The following ELAVL4 variants were observed in gnomAD, a reference collection of about 807,000 sequenced individuals.
The protein encoded by ELAVL4 is ELAV-like protein 4.
Under a neutral mutation model 35.6 loss-of-function variants are expected in ELAVL4, and 1 was observed. The observed-to-expected ratio is 0.03, with a 90% confidence interval of 0.01 to 0.13. The LOEUF (loss-of-function observed/expected upper bound fraction) is 0.13, where lower values mean the gene tolerates loss of function less well. ELAVL4 is among the 10% of genes least tolerant of loss of function. ELAVL4 has a pLI of 1.00. For synonymous variants in ELAVL4, 156 were observed against 171.0 expected, an observed-to-expected ratio of 0.91 and a Z score of 0.69; for missense variants, 267 against 464.9, an observed-to-expected ratio of 0.57 and a Z score of 3.91.
chr1:50,125,469 C>A (rs571635919), intron 1 of ELAVL4, among the ~76,000 whole-genome samples: 1 of 152,048 alleles, frequency 6.6e-6, no homozygotes, highest in Middle Eastern at 3.4e-3. Context: ...ATATGTCCAA[C>A]TACTAACTCT....
chr1:50,058,700 A>G (rs1663806240), intron 1 of ELAVL4, among the ~76,000 whole-genome samples: 1 of 150,218 alleles, frequency 6.7e-6, no homozygotes, highest in Non-Finnish European at 1.5e-5. Flanking sequence ...TGCAGCCTCC[A>G]CCCCCCAGGC....
upstream of ELAVL4, chr1:50,106,125 T>C (rs750448743): frequency 5.8e-5 from 26 of 450,072 alleles, no homozygotes; most frequent in Admixed American, 1.1e-4. Flanking sequence ...GGTTGTCTTT[T>C]TTTATTTGCA....
At chr1:50,127,548 T>G (rs1222448443) in intron 1 of ELAVL4, among the ~76,000 whole-genome samples, 1 of 152,156 alleles carries the variant, frequency 6.6e-6, no homozygotes, top group Admixed American at 6.5e-5. Context: ...TCACTGCATC[T>G]GGAACTTTGT....
intron 3 of ELAVL4, among the ~76,000 whole-genome samples, chr1:50,185,228 C>T (rs1266026288): frequency 6.6e-6 from 1 of 152,228 alleles, no homozygotes. Context: ...CCTCTTCCTT[C>T]TCCCCTTTTG....
chr1:50,104,402 C>G (rs540425584), upstream of ELAVL4, among the ~76,000 whole-genome samples: 38 of 152,238 alleles, frequency 2.5e-4, no homozygotes, highest in South Asian at 6.2e-4. Context: ...TTTCATACAA[C>G]CAGAATTTGA....
chr1:50,121,350 C>T (rs959947213), intron 1 of ELAVL4, among the ~76,000 whole-genome samples: 2 of 151,954 alleles, frequency 1.3e-5, no homozygotes, highest in African/African-American at 2.4e-5. Context: ...TAGTAAGTTA[C>T]TAGATTCTAG....
At chr1:50,125,633 C>T (rs1388266643) in intron 1 of ELAVL4, among the ~76,000 whole-genome samples, 1 of 151,986 alleles carries the variant, frequency 6.6e-6, no homozygotes, top group African/African-American at 2.4e-5. Context: ...AGGTCCTATT[C>T]TGTGAAATGG....
chr1:50,146,225 G>A (rs1275777302), intron 2 of ELAVL4, among the ~76,000 whole-genome samples: 1 of 151,580 alleles, frequency 6.6e-6, no homozygotes, highest in Non-Finnish European at 1.5e-5. Flanking sequence ...TTAAATCAGA[G>A]AATACATTCT....
At chr1:50,105,643 T>C (rs1004162834), upstream of ELAVL4, 2 of 152,246 alleles carry the variant, frequency 1.3e-5, no homozygotes, top group African/African-American at 2.4e-5. Flanking sequence ...AGTGAACTGT[T>C]ACTTTAAAGA....
At chr1:50,150,292 C>T (rs1162011866) in intron 2 of ELAVL4, among the ~76,000 whole-genome samples, 6 of 152,144 alleles carry the variant, frequency 3.9e-5, no homozygotes, top group Admixed American at 2.6e-4. Context: ...CTTTATAATA[C>T]GTCTCTTTGG....
rs953539192 is a variant in ELAVL4 at position 50,087,563 on chromosome 1, C to T, written c.18+39381C>T. ...AAAATGTAACCACCTCAAGTAGACA[C>T]TGAATTTTCTACACGAAATTTGCTG... On this transcript the variant is annotated intron_variant, in intron 1 of 6. Coordinates refer to the ELAVL4 transcript ENST00000448907. Among the ~76,000 whole-genome samples the T allele has an allele frequency of 9.2e-5, 14 of 152,292 alleles. No individual in the cohort carries two copies. The South Asian group carries it at 2.9e-3, about 32-fold the overall frequency.
chr1:50,067,627 C>T (rs1664324097), intron 1 of ELAVL4, among the ~76,000 whole-genome samples: 1 of 152,100 alleles, frequency 6.6e-6, no homozygotes, highest in Admixed American at 6.6e-5. Flanking sequence ...CTATTGTATC[C>T]AGGCACTGTG....
At chr1:50,196,576 A>T (rs183333088) in intron 5 of ELAVL4, among the ~76,000 whole-genome samples, 1 of 152,328 alleles carries the variant, frequency 6.6e-6, no homozygotes, top group Non-Finnish European at 1.5e-5. Flanking sequence ...GAAACTTCAC[A>T]TGGGAAATAG....
chr1:50,105,181 T>G (rs989542260), upstream of ELAVL4, among the ~76,000 whole-genome samples: 2 of 152,224 alleles, frequency 1.3e-5, no homozygotes, highest in Admixed American at 6.5e-5. Flanking sequence ...AGTTGCACCC[T>G]TAAACTCTTG....
intron 2 of ELAVL4, among the ~76,000 whole-genome samples, chr1:50,167,067 G>A (rs1161275405): frequency 6.6e-6 from 1 of 152,074 alleles, no homozygotes; most frequent in African/African-American, 2.4e-5. Context: ...TTGATTCCTG[G>A]ACCCATGAAT....
At chr1:50,200,792 G>A in intron 6 of ELAVL4, 59 bp from the exon 7 acceptor site, 1 of 1,583,554 alleles carries the variant, frequency 6.3e-7, no homozygotes, top group Non-Finnish European at 8.6e-7. Context: ...GTGCATCTGT[G>A]TGTTATCCTT....
intron 3 of ELAVL4, among the ~76,000 whole-genome samples, chr1:50,178,287 A>C (rs1216669579): frequency 6.6e-6 from 1 of 152,242 alleles, no homozygotes; most frequent in African/African-American, 2.4e-5. Flanking sequence ...TATAGATGGC[A>C]CCAGCTCTCA....
chr1:50,098,409 G>A (rs1446912816), intron 1 of ELAVL4, among the ~76,000 whole-genome samples: 1 of 152,146 alleles, frequency 6.6e-6, no homozygotes, highest in Non-Finnish European at 1.5e-5. Flanking sequence ...AAGGACCAGG[G>A]CTTTTCTAGA....
chr1:50,049,051 A>G (rs1228575100), intron 1 of ELAVL4, among the ~76,000 whole-genome samples: 1 of 152,206 alleles, frequency 6.6e-6, no homozygotes, highest in African/African-American at 2.4e-5. Flanking sequence ...AGGGACTTCT[A>G]GAAAACAATT....
Sources: gnomAD v4.1 joint callset for allele counts (sites outside exome capture counted in the v4.1 genomes callset) on GRCh38, gnomAD v4.1.1 for gene constraint, MANE v1.5 for transcripts, NCBI Gene and HGNC (gene_info 2026-07-23, HGNC 2026-07-21) for gene names.